The following SCRN1 variants were observed in gnomAD, a reference collection of about 807,000 sequenced individuals.
SCRN1 encodes the protein secernin 1, also known as secernin-1.
In SCRN1, 19 loss-of-function variants were observed where a neutral mutation model predicts 43.3. The ratio of observed to expected loss-of-function variants is 0.44; its 90% CI spans 0.31 to 0.64. SCRN1 has a LOEUF of 0.64. Ranked by LOEUF, SCRN1 falls within the 30% of genes least tolerant of loss-of-function variation. SCRN1 has a pLI of 0.09. For missense variants in SCRN1, 447 were observed against 524.1 expected (o/e 0.85, Z 1.44); for synonymous variants, 183 against 188.9 (o/e 0.97, Z 0.26).
chr7:29,963,105 A>G (rs112727825), intron 2 of SCRN1, among the ~76,000 whole-genome samples: 110 of 152,202 alleles, frequency 7.2e-4, no homozygotes, highest in African/African-American at 2.6e-3. Context: ...AAGTGCTTTC[A>G]TGCATCAGCT....
At chr7:29,970,907 T>C (rs1169336443) in intron 1 of SCRN1, among the ~76,000 whole-genome samples, 3 of 152,186 alleles carry the variant, frequency 2.0e-5, no homozygotes, top group Non-Finnish European at 2.9e-5. Context: ...TGTTATAAAA[T>C]AATGTACATA....
chr7:29,961,952 G>A (rs1489921599), intron 2 of SCRN1, among the ~76,000 whole-genome samples: 1 of 152,112 alleles, frequency 6.6e-6, no homozygotes, highest in Non-Finnish European at 1.5e-5. Flanking sequence ...AAGTGGACAA[G>A]TTGAAGGGAG....
At chr7:29,983,473 T>C (rs570772741) in intron 1 of SCRN1, among the ~76,000 whole-genome samples, 1 of 151,892 alleles carries the variant, frequency 6.6e-6, no homozygotes, top group African/African-American at 2.4e-5. Context: ...AAAGACTTTA[T>C]GGTGACATGG....
rs779146056 is a variant in SCRN1 at position 29,955,318 on chromosome 7, T to C, written c.202A>G (p.Ile68Val). 3.7e-6 allele frequency: 6 copies of C among 1,614,232 alleles called. No individual in the cohort carries two copies. The Admixed American group carries it at 6.7e-5, about 18-fold the overall frequency. ...SIDQVPRTYA[I>V]MISRPAWLWG... ...AGCCAGGCGGGTCTGCTTATCATTA[T>C]GGCATAGGTCCTTGGAACTTGGTCG... Residue 68 changes from isoleucine to valine, a missense_variant, in exon 3 of 8, where the codon ATA becomes GTA. Ile to Val is a conservative substitution (Grantham distance 29). Coordinates refer to ENST00000242059, the MANE Select transcript of SCRN1 (RefSeq NM_014766.5).
chr7:29,937,620 A>G (rs574881101), intron 5 of SCRN1, among the ~76,000 whole-genome samples: 24 of 152,314 alleles, frequency 1.6e-4, no homozygotes, highest in Admixed American at 1.5e-3. Flanking sequence ...TCAATACTCT[A>G]TTTGGAGAAT....
chr7:29,940,638 G>A (rs1787505819), intron 5 of SCRN1, 44 bp downstream of exon 5: 2 of 1,513,290 alleles, frequency 1.3e-6, no homozygotes, highest in African/African-American at 2.9e-5. Context: ...AGCTGCAAGA[G>A]AAAGGGTATG....
At chr7:29,974,040 C>G (rs903911164) in intron 1 of SCRN1, among the ~76,000 whole-genome samples, 4 of 152,128 alleles carry the variant, frequency 2.6e-5, no homozygotes, top group Non-Finnish European at 1.5e-5. Flanking sequence ...AGACTATGCC[C>G]AAATACTTGC....
rs1486515724 is a variant in SCRN1, at chr7:29,989,681, G to C, written c.-41C>G. 1 of 985,408 alleles carries C rather than the reference G, an allele frequency of 1.0e-6. No homozygotes were observed. Among genetic ancestry groups the C allele is most frequent in the Non-Finnish European group, 1.2e-6 (1 of 830,030 alleles). The allele number at this position is 985,408 out of a possible 1,614,324, so 61.0% of individuals were successfully genotyped here. The stretch of plus-strand genomic sequence containing the variant: ...TCCGGGCTCCGCTCTCCGCTCTGCG[G>C]TGCTGAGGCTGCGGCCGCCGAGGGT... On this transcript the variant is annotated 5_prime_UTR_variant, in exon 1 of 8. Coordinates refer to ENST00000242059, the MANE Select transcript of SCRN1 (RefSeq NM_014766.5).
intron 1 of SCRN1, among the ~76,000 whole-genome samples, chr7:29,974,034 T>C (rs1222474611): frequency 6.6e-6 from 1 of 152,214 alleles, no homozygotes; most frequent in African/African-American, 2.4e-5. Context: ...AGAAAAAGAC[T>C]ATGCCCAAAT....
intron 6 of SCRN1, among the ~76,000 whole-genome samples, chr7:29,935,116 A>AC (rs1227629146): frequency 7.9e-5 from 12 of 152,226 alleles, no homozygotes; most frequent in African/African-American, 2.9e-4. Context: ...CATCCATGGT[A>AC]CACAACAGAC....
intron 6 of SCRN1, among the ~76,000 whole-genome samples, chr7:29,929,887 T>C (rs995767417): frequency 1.3e-5 from 2 of 152,220 alleles, no homozygotes; most frequent in African/African-American, 4.8e-5. Context: ...ATGCTCTATG[T>C]GATGTAACTT....
rs956686027 is a variant in SCRN1, at chr7:29,965,480, G to A, written c.159+3429C>T. On this transcript the variant is annotated intron_variant, in intron 2 of 7. Coordinates refer to ENST00000242059, the MANE Select transcript of SCRN1 (RefSeq NM_014766.5). This position sits in a 1 kb window ranked among gnomAD's most constrained non-coding sequence, Gnocchi z 4.2. Reference sequence around the variant, plus strand: ...GTGACAGCTGTCCCTGTGCATTGGGGATGGGGGAAGTGAGGGTCGACGTTT... The same window carrying A: ...GTGACAGCTGTCCCTGTGCATTGGGAATGGGGGAAGTGAGGGTCGACGTTT... 5.9e-5 allele frequency among the ~76,000 whole-genome samples: 9 copies of A among 152,292 alleles called. No homozygotes were observed. The highest frequency in any genetic ancestry group is 2.2e-4 in the African/African-American group (9 of 41,550).
At chr7:29,968,185 C>T (rs1204561048) in intron 2 of SCRN1, among the ~76,000 whole-genome samples, 6 of 152,130 alleles carry the variant, frequency 3.9e-5, no homozygotes, top group African/African-American at 9.7e-5. Flanking sequence ...CTGTTATCCA[C>T]TTCAGTGCTG....
At chr7:29,937,266 G>C (rs1305893696) in intron 5 of SCRN1, among the ~76,000 whole-genome samples, 1 of 152,188 alleles carries the variant, frequency 6.6e-6, no homozygotes, top group Non-Finnish European at 1.5e-5. Context: ...CAGAAACAAT[G>C]TGTGCAATTC....
intron 3 of SCRN1, among the ~76,000 whole-genome samples, chr7:29,947,945 G>A (rs963129387): frequency 3.9e-5 from 6 of 152,174 alleles, no homozygotes; most frequent in African/African-American, 9.7e-5. Context: ...TGGGTCTTCC[G>A]GTGCCTTGAT....
intron 2 of SCRN1, among the ~76,000 whole-genome samples, chr7:29,956,109 A>G (rs1020057514): frequency 1.3e-5 from 2 of 152,150 alleles, no homozygotes; most frequent in Admixed American, 6.5e-5. Flanking sequence ...GAGTCAAACT[A>G]TTTCTTCCCA....
rs1034913713 is a variant in SCRN1 at position 29,965,143 on chromosome 7, A to G, written c.159+3766T>C. On this transcript the variant is annotated intron_variant, in intron 2 of 7. Coordinates refer to ENST00000242059, the MANE Select transcript of SCRN1 (RefSeq NM_014766.5). This position sits in a 1 kb window ranked among gnomAD's most constrained non-coding sequence, Gnocchi z 4.2. ...TAAAAATAGTCTATCAATTTAAAAT[A>G]GAAAAGAATGAAAGAGAATAAAAGA... 5.3e-5 allele frequency among the ~76,000 whole-genome samples: 8 copies of G among 152,184 alleles called. No individual in the cohort carries two copies. The highest frequency in any genetic ancestry group is 1.4e-4 in the African/African-American group (6 of 41,426).
At chr7:29,930,394 C>T (rs764576027) in intron 6 of SCRN1, among the ~76,000 whole-genome samples, 13 of 152,206 alleles carry the variant, frequency 8.5e-5, no homozygotes, top group Non-Finnish European at 1.5e-4. Flanking sequence ...TACAGAAAAT[C>T]ACATTTAGAA....
At chr7:29,978,863 T>C (rs975061933) in intron 1 of SCRN1, among the ~76,000 whole-genome samples, 3 of 152,180 alleles carry the variant, frequency 2.0e-5, no homozygotes, top group African/African-American at 7.2e-5. Context: ...ATGAGAAATA[T>C]GAATTAAAGC....
Sources: gnomAD v4.1 joint callset for allele counts (sites outside exome capture counted in the v4.1 genomes callset) on GRCh38, gnomAD v4.1.1 for gene constraint, Gnocchi (gnomAD v3.1) non-coding constraint, MANE v1.5 for transcripts, NCBI Gene and HGNC (gene_info 2026-07-23, HGNC 2026-07-21) for gene names.